OSBPL10: variants seen among roughly 807,000 people sequenced by gnomAD.
The protein encoded by OSBPL10 is oxysterol binding protein like 10.
A neutral mutation model predicts 81.7 loss-of-function variants in OSBPL10; 49 were observed. The observed-to-expected ratio is 0.60, with a 90% CI of 0.48 to 0.76. The LOEUF is 0.76. Among genes scored for constraint, OSBPL10 ranks in the 30% least tolerant of loss-of-function variants. OSBPL10 has a pLI of 0.00. For missense variants in OSBPL10, 923 were observed against 987.8 expected, an observed-to-expected ratio of 0.93 and a Z score of 0.88; for synonymous variants, 419 against 383.6, an observed-to-expected ratio of 1.09 and a Z score of -1.08.
At chr3:31,795,889 G>A (rs1281541289) in intron 4 of OSBPL10, 1 of 240,144 alleles carries the variant, frequency 4.2e-6, no homozygotes, top group African/African-American at 2.3e-5. Context: ...TAGCCAGAAG[G>A]AGCATGTTAC....
intron 4 of OSBPL10, among the ~76,000 whole-genome samples, chr3:31,767,921 T>A (rs1698250856): frequency 1.3e-5 from 2 of 152,178 alleles, no homozygotes; most frequent in Admixed American, 1.3e-4. Flanking sequence ...AAAGCCAGCC[T>A]ACAGAGTAAA....
intron 4 of OSBPL10, among the ~76,000 whole-genome samples, chr3:31,771,587 C>T (rs1180437749): frequency 6.6e-6 from 1 of 152,130 alleles, no homozygotes; most frequent in Non-Finnish European, 1.5e-5. Context: ...AAGGAACTCC[C>T]CAAACCTCCA....
intron 4 of OSBPL10, chr3:31,795,777 G>A (rs888719809): frequency 1.3e-5 from 3 of 238,580 alleles, no homozygotes; most frequent in Non-Finnish European, 2.8e-5. Context: ...ATAGTTGTGG[G>A]GAATGTGGGA....
At chr3:31,829,561 G>C (rs1419814621) in intron 4 of OSBPL10, among the ~76,000 whole-genome samples, 2 of 152,098 alleles carry the variant, frequency 1.3e-5, no homozygotes, top group Non-Finnish European at 2.9e-5. Context: ...CTGACTTCAA[G>C]GACAGTATTC....
chr3:31,828,682 G>A (rs530793652), intron 4 of OSBPL10, among the ~76,000 whole-genome samples: 12 of 152,180 alleles, frequency 7.9e-5, no homozygotes, highest in African/African-American at 2.6e-4. Context: ...ACAGTCACGC[G>A]CCACCATGCC....
chr3:31,885,995 C>CAAAAA (rs397957994), intron 1 of OSBPL10, among the ~76,000 whole-genome samples: 109 of 61,102 alleles, frequency 1.8e-3, no homozygotes, highest in African/African-American at 2.3e-3. Flanking sequence ...AACTCCATCT[C>CAAAAA]AAAAAAAAAA....
At chr3:31,938,128 C>G (rs1355370424) in intron 1 of OSBPL10, among the ~76,000 whole-genome samples, 2 of 152,142 alleles carry the variant, frequency 1.3e-5, no homozygotes, top group Non-Finnish European at 2.9e-5. Flanking sequence ...ATCTCTCATG[C>G]CACCTCTCCC....
chr3:32,044,402 CAT>C (rs1343852583), intron 2 of OSBPL10, among the ~76,000 whole-genome samples: 3 of 148,372 alleles, frequency 2.0e-5, no homozygotes, highest in Non-Finnish European at 3.0e-5. Flanking sequence ...TAATATATAA[CAT>C]AATTTAAAAA....
intron 5 of OSBPL10, among the ~76,000 whole-genome samples, chr3:31,745,392 G>A (rs1404106015): frequency 6.6e-6 from 1 of 152,198 alleles, no homozygotes; most frequent in Non-Finnish European, 1.5e-5. Context: ...TAAGGAAAAG[G>A]TGAAGCAAAC....
At chr3:31,825,249 A>G (rs1273598553) in intron 4 of OSBPL10, among the ~76,000 whole-genome samples, 3 of 152,370 alleles carry the variant, frequency 2.0e-5, no homozygotes, top group East Asian at 1.9e-4. Flanking sequence ...GTGATTGACA[A>G]TGGCAATGGA....
At chr3:31,911,545 T>C (rs531503846) in intron 1 of OSBPL10, among the ~76,000 whole-genome samples, 25 of 151,984 alleles carry the variant, frequency 1.6e-4, no homozygotes, top group East Asian at 1.5e-3. Context: ...CTGGACCACA[T>C]TGGAAGAAGA....
chr3:31,731,273 CCACCAAAA>C (rs1424341544), intron 6 of OSBPL10, among the ~76,000 whole-genome samples: 12 of 152,146 alleles, frequency 7.9e-5, no homozygotes, highest in East Asian at 3.9e-4. Context: ...TCTCAGAAAA[CCACCAAAA>C]CACCAAAACA....
chr3:31,662,995 TCTC>T (rs758815275), intron 11 of OSBPL10: 398 of 985,402 alleles, frequency 4.0e-4, no homozygotes, highest in Middle Eastern at 1.6e-3. Flanking sequence ...AACCTTGAAA[TCTC>T]CTTCAGTCCA....
At chr3:32,026,844 A>C (rs1699419701) in intron 2 of OSBPL10, among the ~76,000 whole-genome samples, 1 of 152,156 alleles carries the variant, frequency 6.6e-6, no homozygotes, top group African/African-American at 2.4e-5. Context: ...TCACTTCCTC[A>C]GAAACAGCCC....
At chr3:31,757,841 T>C (rs976215877) in intron 4 of OSBPL10, among the ~76,000 whole-genome samples, 4 of 152,202 alleles carry the variant, frequency 2.6e-5, no homozygotes, top group Non-Finnish European at 5.9e-5. Context: ...CCCCAAAATA[T>C]AATTATAGAA....
intron 1 of OSBPL10, among the ~76,000 whole-genome samples, chr3:31,942,164 ACTCGGGAGGCT>A (rs1559526507): frequency 6.6e-6 from 1 of 152,068 alleles, no homozygotes; most frequent in African/African-American, 2.4e-5. Context: ...AGTCCCAACT[ACTCGGGAGGCT>A]GAGGTAGAAC....
intron 1 of OSBPL10, among the ~76,000 whole-genome samples, chr3:31,928,064 C>T (rs1420568041): frequency 6.6e-6 from 1 of 152,152 alleles, no homozygotes. Flanking sequence ...AAAATAAGGT[C>T]ATTAAACTCC....
At chr3:31,688,075 C>T (rs184526041) in intron 7 of OSBPL10, among the ~76,000 whole-genome samples, 3 of 152,002 alleles carry the variant, frequency 2.0e-5, no homozygotes, top group African/African-American at 4.8e-5. Context: ...GGAGGGAGAT[C>T]GTTGCAATGA....
At chr3:31,988,413 T>C (rs931040536) in intron 2 of OSBPL10, among the ~76,000 whole-genome samples, 4 of 152,068 alleles carry the variant, frequency 2.6e-5, no homozygotes, top group African/African-American at 4.8e-5. Context: ...ATAAAAAAAT[T>C]TGTGGCCAGA....
Sources: gnomAD v4.1 joint callset for allele counts (sites outside exome capture counted in the v4.1 genomes callset) on GRCh38, gnomAD v4.1.1 for gene constraint, MANE v1.5 for transcripts, NCBI Gene and HGNC (gene_info 2026-07-23, HGNC 2026-07-21) for gene names.